The following ITGB5 variants were observed in gnomAD, a reference collection of about 807,000 sequenced individuals.
ITGB5 encodes the protein integrin subunit beta 5.
In ITGB5, 38 loss-of-function variants were observed where a neutral mutation model predicts 84.8. That is an observed-to-expected ratio of 0.45 (90% CI 0.35 to 0.59). ITGB5 has a LOEUF of 0.59. Ranked by LOEUF, ITGB5 falls within the 20% of genes least tolerant of loss-of-function variation. The probability of loss-of-function intolerance (pLI) is 0.01; values close to 1 mark genes in which losing one functional copy is unlikely to be tolerated. For synonymous variants in ITGB5, 393 were observed against 414.4 expected, an observed-to-expected ratio of 0.95 and a Z score of 0.63; for missense variants, 905 against 1,034.5, an observed-to-expected ratio of 0.87 and a Z score of 1.72.
chr3:124,871,215 GAC>G (rs1490877665), intron 2 of ITGB5, among the ~76,000 whole-genome samples: 1 of 151,348 alleles, frequency 6.6e-6, no homozygotes, highest in South Asian at 2.1e-4. Flanking sequence ...TTTTTTTTGA[GAC>G]AGAGTCTCGC....
chr3:124,820,851 G>T (rs1341543740), intron 6 of ITGB5, among the ~76,000 whole-genome samples: 3 of 152,126 alleles, frequency 2.0e-5, no homozygotes, highest in Non-Finnish European at 4.4e-5. Context: ...CTCATTCCAT[G>T]CAGAACACTT....
chr3:124,882,439 A>G (rs1360316650), intron 1 of ITGB5, among the ~76,000 whole-genome samples: 1 of 152,202 alleles, frequency 6.6e-6, no homozygotes, highest in Non-Finnish European at 1.5e-5. Flanking sequence ...AAAGGGTTGC[A>G]GGGTGGAGGA....
intron 5 of ITGB5, among the ~76,000 whole-genome samples, chr3:124,828,484 G>A (rs868094964): frequency 1.3e-5 from 2 of 152,172 alleles, no homozygotes; most frequent in South Asian, 4.1e-4. Flanking sequence ...GTGACAGAAA[G>A]CAAATTCATT....
chr3:124,783,207 C>G (rs1023921512), intron 10 of ITGB5, among the ~76,000 whole-genome samples: 1 of 145,916 alleles, frequency 6.9e-6, no homozygotes, highest in Non-Finnish European at 1.5e-5. Flanking sequence ...ATGATAATTG[C>G]TTGAACCAGG....
intron 1 of ITGB5, among the ~76,000 whole-genome samples, chr3:124,882,482 T>C (rs895907093): frequency 6.6e-6 from 1 of 152,112 alleles, no homozygotes; most frequent in African/African-American, 2.4e-5. Context: ...GAGGACAGTA[T>C]TCCAGGCAGG....
chr3:124,849,217 A>G (rs1375899872), intron 3 of ITGB5, among the ~76,000 whole-genome samples: 1 of 152,216 alleles, frequency 6.6e-6, no homozygotes, highest in Non-Finnish European at 1.5e-5. Context: ...GGTGGAGAGT[A>G]GCCCACCAAC....
chr3:124,795,282 A>C (rs1373714344), intron 10 of ITGB5, among the ~76,000 whole-genome samples: 4 of 152,134 alleles, frequency 2.6e-5, no homozygotes, highest in Non-Finnish European at 5.9e-5. Context: ...TGAGATCACG[A>C]GTTCAAGACC....
chr3:124,830,061 C>T (rs1048063368), intron 5 of ITGB5, among the ~76,000 whole-genome samples: 2 of 152,166 alleles, frequency 1.3e-5, no homozygotes, highest in African/African-American at 4.8e-5. Context: ...ACATCTGGCC[C>T]CAGAGAACAG....
At chr3:124,766,080 AAAGAAG>A (rs1185719167) in intron 13 of ITGB5, 140 bp downstream of exon 13, 2 of 840,284 alleles carry the variant, frequency 2.4e-6, no homozygotes, top group East Asian at 5.3e-5. Context: ...AAAAAAAGAA[AAAGAAG>A]AAATTGTATC....
chr3:124,765,999 G>A (rs1417528225), intron 13 of ITGB5, among the ~76,000 whole-genome samples: 5 of 150,912 alleles, frequency 3.3e-5, no homozygotes, highest in African/African-American at 1.2e-4. Flanking sequence ...GGTCAAGGCT[G>A]CAGTGAGCTG....
At position 124,796,797 on chromosome 3, in the gene ITGB5, C is replaced by A; in HGVS notation, c.1284G>T (p.Leu428Phe). Residue 428 changes from leucine to phenylalanine, a missense_variant, in exon 10 of 15, where the codon TTG (leucine) becomes TTT (phenylalanine). Coordinates refer to ENST00000296181, the MANE Select transcript of ITGB5 (RefSeq NM_002213.5). ...GTCTGCTGGGACAGCTTCGGGCCTC[C>A]AATGATACTTCAAAAGATGCCTGGG... ...IGDTASFEVS[L>F]EARSCPSRHT... 1 of 1,605,402 alleles carries A rather than the reference C, an allele frequency of 6.2e-7. No individual in the cohort carries two copies. The highest frequency in any genetic ancestry group is 8.5e-7 in the Non-Finnish European group (1 of 1,174,048).
At chr3:124,856,206 T>C (rs573105189) in intron 3 of ITGB5, among the ~76,000 whole-genome samples, 1 of 152,250 alleles carries the variant, frequency 6.6e-6, no homozygotes, top group Admixed American at 6.5e-5. Context: ...CTCTAACTCT[T>C]CTACAGGAAC....
At chr3:124,874,588 T>C (rs565035145) in intron 1 of ITGB5, among the ~76,000 whole-genome samples, 12 of 152,328 alleles carry the variant, frequency 7.9e-5, no homozygotes, top group Non-Finnish European at 1.2e-4. Flanking sequence ...GGCATTGTGT[T>C]ACCTGATTTC....
intron 10 of ITGB5, among the ~76,000 whole-genome samples, chr3:124,775,579 A>T (rs1255393177): frequency 1.3e-5 from 2 of 152,042 alleles, no homozygotes; most frequent in East Asian, 1.9e-4. Context: ...ACTTTGTATT[A>T]TTTTTTTCCC....
chr3:124,836,280 C>G (rs186239461), intron 5 of ITGB5, among the ~76,000 whole-genome samples: 7 of 151,596 alleles, frequency 4.6e-5, no homozygotes, highest in Non-Finnish European at 8.8e-5. Context: ...TTTTGGGAGG[C>G]TGAGGTGGGC....
At chr3:124,883,041 G>A (rs1934648647) in intron 1 of ITGB5, among the ~76,000 whole-genome samples, 1 of 152,148 alleles carries the variant, frequency 6.6e-6, no homozygotes, top group Admixed American at 6.5e-5. Flanking sequence ...ACAAACCACG[G>A]CAGTCAGTTC....
chr3:124,898,895 G>C (rs1228227019), intron 1 of ITGB5, among the ~76,000 whole-genome samples: 1 of 151,564 alleles, frequency 6.6e-6, no homozygotes, highest in African/African-American at 2.4e-5. Context: ...GACTAACGTG[G>C]TGAAACCCTG....
chr3:124,843,745 G>A (rs1276746151), intron 4 of ITGB5, among the ~76,000 whole-genome samples: 1 of 152,170 alleles, frequency 6.6e-6, no homozygotes, highest in African/African-American at 2.4e-5. Context: ...AGATCCGGAC[G>A]TTCTGGGGTC....
chr3:124,785,764 G>T (rs559738309), intron 10 of ITGB5, among the ~76,000 whole-genome samples: 2 of 152,222 alleles, frequency 1.3e-5, no homozygotes, highest in South Asian at 4.1e-4. Context: ...TCCAGGCCTG[G>T]TTCACTGTGT....
Sources: gnomAD v4.1 joint callset for allele counts (sites outside exome capture counted in the v4.1 genomes callset) on GRCh38, gnomAD v4.1.1 for gene constraint, MANE v1.5 for transcripts, NCBI Gene and HGNC (gene_info 2026-07-23, HGNC 2026-07-21) for gene names.